ZFHX3: variants seen among roughly 807,000 people sequenced by gnomAD.
ZFHX3 encodes the protein zinc finger homeobox 3.
Under a neutral mutation model 279.1 loss-of-function variants are expected in ZFHX3, and 42 were observed. The ratio of observed to expected loss-of-function variants is 0.15; its 90% CI spans 0.12 to 0.19. The LOEUF is 0.19. Among genes scored for constraint, ZFHX3 ranks in the 10% least tolerant of loss-of-function variants. The probability of loss-of-function intolerance (pLI) is 1.00; values close to 1 mark genes in which losing one functional copy is unlikely to be tolerated. For synonymous variants in ZFHX3, 2,293 were observed against 1,957.8 expected (o/e 1.17, Z -4.52); for missense variants, 4,981 against 4,754.0 (o/e 1.05, Z -1.40).
rs139065108 is a variant in ZFHX3, at chr16:73,000,298, C to T, written c.-49-40104G>A. On this transcript the variant is annotated intron_variant, in intron 1 of 9. Coordinates refer to ENST00000268489, the MANE Select transcript of ZFHX3 (RefSeq NM_006885.4). The stretch of plus-strand genomic sequence containing the variant: ...GAAGGAAGGAGGCGCCTCTTCTTGG[C>T]GAGCTGATGGGTGTGAGTGGTGAGC... Among the ~76,000 whole-genome samples the T allele has an allele frequency of 3.3e-3, 509 of 152,284 alleles. 4 individuals are homozygous for T. The highest frequency in any genetic ancestry group is 0.012 in the African/African-American group (491 of 41,546).
At chr16:73,480,454 C>A (rs968838648) in intron 2 of ZFHX3, among the ~76,000 whole-genome samples, 3 of 152,196 alleles carry the variant, frequency 2.0e-5, no homozygotes. Context: ...ATTTTTAACT[C>A]CTCCTGCCAC....
chr16:73,352,604 C>T (rs894849493), intron 3 of ZFHX3, among the ~76,000 whole-genome samples: 7 of 151,104 alleles, frequency 4.6e-5, no homozygotes, highest in South Asian at 2.1e-4. Flanking sequence ...CCCAGTCTCT[C>T]GAGCAGCTGG....
chr16:73,632,563 G>A (rs2052485205), intron 2 of ZFHX3, among the ~76,000 whole-genome samples: 1 of 151,986 alleles, frequency 6.6e-6, no homozygotes, highest in Non-Finnish European at 1.5e-5. Flanking sequence ...GCGCGCACCT[G>A]TAGTCCCAGC....
Position 72,787,799 on chromosome 16 carries a change from A to G in ZFHX3, c.10477T>C (p.Ser3493Pro). The G allele has an allele frequency of 6.2e-7, 1 of 1,613,238 alleles. No homozygotes were observed. The highest frequency in any genetic ancestry group is 8.5e-7 in the Non-Finnish European group (1 of 1,179,738). The part of the protein sequence containing the change: ...HLKSLCFFGQ[S>P]VVNLQEMVLH... ...ACCATCTCTTGCAGGTTCACCACAGACTGGCCGAAGAAGCAGAGGGACTTC... is the reference window on the plus strand; with the variant it reads ...ACCATCTCTTGCAGGTTCACCACAGGCTGGCCGAAGAAGCAGAGGGACTTC... Residue 3493 changes from serine to proline, a missense_variant, in exon 10 of 10, where the codon TCT becomes CCT. Ser to Pro is a moderately conservative substitution (Grantham distance 74, BLOSUM62 -1). Transcript: ENST00000268489.
intron 1 of ZFHX3, among the ~76,000 whole-genome samples, chr16:73,759,772 G>T (rs751441248): frequency 1.4e-4 from 22 of 152,010 alleles, no homozygotes; most frequent in Middle Eastern, 3.4e-3. Context: ...TGCCCTTTGA[G>T]TTTTGTGAAT....
At chr16:73,389,549 C>T (rs79826858) in intron 3 of ZFHX3, among the ~76,000 whole-genome samples, 244 of 152,314 alleles carry the variant, frequency 1.6e-3, no homozygotes, top group African/African-American at 4.7e-3. Context: ...TGGCCTAGTA[C>T]GTGATTCTCT....
rs147711930 is a variant in ZFHX3, at chr16:73,416,872, T to C, written c.-1291+39131A>G. The stretch of plus-strand genomic sequence containing the variant: ...CTGGGCGACAGAGCGAGACTCCGTC[T>C]CAAACAGAAAAAAAAGCAAGTTGAG... On this transcript the variant is annotated intron_variant, in intron 3 of 17. Coordinates refer to the ZFHX3 transcript ENST00000641206. 3.5e-3 allele frequency among the ~76,000 whole-genome samples: 536 copies of C among 151,728 alleles called. 7 individuals carry two copies. Among genetic ancestry groups the C allele is most frequent in the African/African-American group, 0.012 (510 of 41,224 alleles).
intron 2 of ZFHX3, among the ~76,000 whole-genome samples, chr16:73,557,345 C>T (rs1221299704): frequency 6.6e-6 from 1 of 152,062 alleles, no homozygotes; most frequent in African/African-American, 2.4e-5. Context: ...GGAAACTAGT[C>T]CGGACCCAGA....
intron 3 of ZFHX3, among the ~76,000 whole-genome samples, chr16:73,432,566 T>A (rs1341838307): frequency 6.6e-6 from 1 of 152,166 alleles, no homozygotes; most frequent in Non-Finnish European, 1.5e-5. Context: ...GTTATTCACA[T>A]ATGAAGAGAA....
At chr16:73,427,471 C>A (rs1018230184) in intron 3 of ZFHX3, among the ~76,000 whole-genome samples, 1 of 152,170 alleles carries the variant, frequency 6.6e-6, no homozygotes, top group Admixed American at 6.5e-5. Flanking sequence ...CACCAGCTAC[C>A]TGCTCCCACC....
intron 8 of ZFHX3, among the ~76,000 whole-genome samples, chr16:73,078,278 G>A (rs1235479722): frequency 6.6e-6 from 1 of 152,180 alleles, no homozygotes; most frequent in Non-Finnish European, 1.5e-5. Context: ...AACATTTTCA[G>A]AATACGCCTG....
chr16:73,800,531 A>C (rs1178612337), intron 1 of ZFHX3, among the ~76,000 whole-genome samples: 2 of 151,726 alleles, frequency 1.3e-5, no homozygotes, highest in Non-Finnish European at 2.9e-5. Context: ...ATTGTTATTT[A>C]TGTTGTGCTT....
intron 1 of ZFHX3, among the ~76,000 whole-genome samples, chr16:72,991,241 A>C (rs1963078707): frequency 1.3e-5 from 2 of 152,184 alleles, no homozygotes; most frequent in Admixed American, 1.3e-4. Context: ...TATCACTGTT[A>C]ATCTCTTACT....
chr16:73,004,280 C>G (rs1963622418), intron 1 of ZFHX3, among the ~76,000 whole-genome samples: 1 of 130,926 alleles, frequency 7.6e-6, no homozygotes, highest in African/African-American at 2.9e-5. Flanking sequence ...GCTAGGATTA[C>G]TGTGCCTGGC....
intron 2 of ZFHX3, among the ~76,000 whole-genome samples, chr16:73,528,794 G>C (rs1479145304): frequency 6.6e-6 from 1 of 152,176 alleles, no homozygotes; most frequent in Non-Finnish European, 1.5e-5. Flanking sequence ...ATGGTCTGTA[G>C]CCAGAGAACC....
At chr16:73,645,823 C>T (rs1438582519) in intron 2 of ZFHX3, among the ~76,000 whole-genome samples, 1 of 152,122 alleles carries the variant, frequency 6.6e-6, no homozygotes, top group African/African-American at 2.4e-5. Flanking sequence ...CCAGGTCCAA[C>T]ATTTTGGTCC....
rs1334405719 is a variant in ZFHX3 at position 73,493,274 on chromosome 16, A to G, written c.-1546-37016T>C. Among the ~76,000 whole-genome samples, 8 of 152,278 alleles carry G rather than the reference A, an allele frequency of 5.3e-5. No individual in the cohort carries two copies. The East Asian group carries it at 1.4e-3, about 26-fold the overall frequency. ...ATTTCCCTTACTCCAATATACACAC[A>G]TATATGCACACAGATTCACGCACAT... On this transcript the variant is annotated intron_variant, in intron 2 of 17. Transcript: ENST00000641206.
At chr16:73,163,893 A>G (rs1052630975) in intron 5 of ZFHX3, among the ~76,000 whole-genome samples, 1 of 152,232 alleles carries the variant, frequency 6.6e-6, no homozygotes, top group Non-Finnish European at 1.5e-5. Context: ...TAATAATAAC[A>G]TTATATTTCC....
Position 73,246,587 on chromosome 16 carries a change from T to C in ZFHX3, c.-1104+10460A>G, listed in dbSNP as rs117748717. On this transcript the variant is annotated intron_variant, in intron 5 of 17. Transcript: ENST00000641206. ...GGGGTCTTTCCCAGCTGAACATATC[T>C]CTTGATTAATCTCTATTTGCTGTTC... 5.1e-3 allele frequency among the ~76,000 whole-genome samples: 772 copies of C among 152,236 alleles called. 10 individuals carry two copies. The East Asian group carries it at 0.064, about 13-fold the overall frequency.
Sources: gnomAD v4.1 joint callset for allele counts (sites outside exome capture counted in the v4.1 genomes callset) on GRCh38, gnomAD v4.1.1 for gene constraint, MANE v1.5 for transcripts, NCBI Gene and HGNC (gene_info 2026-07-23, HGNC 2026-07-21) for gene names.